The following GRIK2 variants were observed in gnomAD, a reference collection of about 807,000 sequenced individuals.
GRIK2 encodes glutamate receptor ionotropic, kainate 2.
A neutral mutation model predicts 100.3 loss-of-function variants in GRIK2; 32 were observed. The observed-to-expected ratio is 0.32, with a 90% CI of 0.24 to 0.43. GRIK2 has a LOEUF of 0.43. GRIK2 is among the 20% of genes least tolerant of loss of function. The pLI is 1.00. For synonymous variants in GRIK2, 417 were observed against 389.4 expected, an observed-to-expected ratio of 1.07 and a Z score of -0.83; for missense variants, 843 against 1,114.9, an observed-to-expected ratio of 0.76 and a Z score of 3.47.
At chr6:101,961,320 A>G (rs1792284385) in intron 14 of GRIK2, among the ~76,000 whole-genome samples, 1 of 152,134 alleles carries the variant, frequency 6.6e-6, no homozygotes, top group Admixed American at 6.5e-5. Flanking sequence ...TGCAGCGGGA[A>G]TGCTGCTGTT....
intron 2 of GRIK2, among the ~76,000 whole-genome samples, chr6:101,578,648 G>C (rs1338396427): frequency 6.6e-6 from 1 of 152,120 alleles, no homozygotes; most frequent in African/African-American, 2.4e-5. Flanking sequence ...CACTCTACCT[G>C]TAAGTGCCTT....
chr6:101,719,128 G>A (rs1308224318), intron 7 of GRIK2, among the ~76,000 whole-genome samples: 3 of 133,280 alleles, frequency 2.3e-5, no homozygotes, highest in African/African-American at 9.0e-5. Context: ...ATGTGCAACA[G>A]GCTGCAAGGG....
At chr6:101,712,103 A>C (rs1418645121) in intron 7 of GRIK2, among the ~76,000 whole-genome samples, 3 of 151,856 alleles carry the variant, frequency 2.0e-5, no homozygotes, top group African/African-American at 7.2e-5. Context: ...AGAACTTTTA[A>C]TTATAATTTA....
At chr6:101,464,668 C>T (rs1308935174) in intron 2 of GRIK2, among the ~76,000 whole-genome samples, 1 of 151,710 alleles carries the variant, frequency 6.6e-6, no homozygotes, top group East Asian at 1.9e-4. Flanking sequence ...AGGCACTCGC[C>T]ACCATGCCTG....
chr6:101,621,664 A>C (rs1044526313), intron 2 of GRIK2, among the ~76,000 whole-genome samples: 1 of 152,156 alleles, frequency 6.6e-6, no homozygotes, highest in Non-Finnish European at 1.5e-5. Flanking sequence ...AAAGAAAAAA[A>C]GTCCAAATCA....
In GRIK2 at chr6:101,399,334, C is replaced by G; in HGVS notation, c.57C>G (p.Leu19=). The stretch of plus-strand genomic sequence containing the variant: ...CAGTCTTCAGGCGCACCGTTAAACT[C>G]CTGCTCTGTTTACTGTGGATTGGAT... ...SNPVFRRTVK[L]LLCLLWIGYS... Residue 19 remains leucine (L), a synonymous_variant, in exon 2 of 17, where the codon CTC becomes CTG. Coordinates refer to ENST00000369134, the MANE Select transcript of GRIK2 (RefSeq NM_021956.5). 1 of 1,599,172 alleles carries G rather than the reference C, an allele frequency of 6.3e-7. No individual in the cohort carries two copies. The highest frequency in any genetic ancestry group is 8.6e-7 in the Non-Finnish European group (1 of 1,166,474).
At chr6:101,464,041 T>C (rs1771483866) in intron 2 of GRIK2, among the ~76,000 whole-genome samples, 1 of 152,174 alleles carries the variant, frequency 6.6e-6, no homozygotes, top group Admixed American at 6.6e-5. Context: ...ATAAGATACA[T>C]AACCTTTCCT....
intron 2 of GRIK2, among the ~76,000 whole-genome samples, chr6:101,494,348 T>C (rs1773314524): frequency 6.6e-6 from 1 of 151,638 alleles, no homozygotes; most frequent in Non-Finnish European, 1.5e-5. Flanking sequence ...CCAGAGTGAT[T>C]GTAGGTTACA....
intron 11 of GRIK2, among the ~76,000 whole-genome samples, chr6:101,867,659 A>G (rs1785136242): frequency 6.6e-6 from 1 of 151,754 alleles, no homozygotes; most frequent in African/African-American, 2.4e-5. Context: ...TATTTTATTA[A>G]AAAAGGTATG....
chr6:101,729,677 G>A (rs1027210246), intron 7 of GRIK2, among the ~76,000 whole-genome samples: 1 of 150,356 alleles, frequency 6.7e-6, no homozygotes, highest in Non-Finnish European at 1.5e-5. Flanking sequence ...ACTGAAATAA[G>A]ACCGTGGTGT....
intron 7 of GRIK2, among the ~76,000 whole-genome samples, chr6:101,740,295 T>C (rs1351676078): frequency 6.6e-6 from 1 of 152,172 alleles, no homozygotes; most frequent in Non-Finnish European, 1.5e-5. Flanking sequence ...AAAATAGCAT[T>C]GTATTTCCTG....
chr6:101,926,618 G>A (rs1789923380), intron 13 of GRIK2, among the ~76,000 whole-genome samples: 1 of 152,128 alleles, frequency 6.6e-6, no homozygotes, highest in African/African-American at 2.4e-5. Context: ...AGCAATTCAA[G>A]CAATGAAAAA....
chr6:101,805,139 T>C (rs1583184423), intron 9 of GRIK2, among the ~76,000 whole-genome samples: 1 of 151,874 alleles, frequency 6.6e-6, no homozygotes, highest in African/African-American at 2.4e-5. Flanking sequence ...CTAGAAAGTA[T>C]AGTTACCAAC....
intron 7 of GRIK2, among the ~76,000 whole-genome samples, chr6:101,799,079 T>G (rs555614836): frequency 9.9e-5 from 15 of 152,100 alleles, no homozygotes; most frequent in Non-Finnish European, 1.8e-4. Context: ...GATTGAAACT[T>G]TTGAAAATTT....
intron 11 of GRIK2, among the ~76,000 whole-genome samples, chr6:101,864,481 T>C (rs2128445440): frequency 6.6e-6 from 1 of 152,314 alleles, no homozygotes; most frequent in South Asian, 2.1e-4. Context: ...TAACCTGGGT[T>C]GCAACTAAAG....
chr6:101,453,761 A>G (rs1351203943), intron 2 of GRIK2, among the ~76,000 whole-genome samples: 1 of 152,048 alleles, frequency 6.6e-6, no homozygotes, highest in Non-Finnish European at 1.5e-5. Flanking sequence ...ATCAGATTTC[A>G]TGTGCTTTAT....
intron 14 of GRIK2, among the ~76,000 whole-genome samples, chr6:101,964,386 C>A (rs1177147194): frequency 6.6e-6 from 1 of 151,950 alleles, no homozygotes; most frequent in Non-Finnish European, 1.5e-5. Context: ...AGTGGATTTT[C>A]CTTGTGTTTT....
chr6:102,045,389 A>G (rs1770829515), intron 15 of GRIK2, among the ~76,000 whole-genome samples: 1 of 152,036 alleles, frequency 6.6e-6, no homozygotes, highest in African/African-American at 2.4e-5. Flanking sequence ...TTCTCTTTCC[A>G]TCTACATTCC....
chr6:101,875,337 T>A (rs1369977062), intron 11 of GRIK2, among the ~76,000 whole-genome samples: 1 of 151,908 alleles, frequency 6.6e-6, no homozygotes, highest in Non-Finnish European at 1.5e-5. Flanking sequence ...CTTGGGGGTA[T>A]TTCTTTTTAA....
Sources: gnomAD v4.1 joint callset for allele counts (sites outside exome capture counted in the v4.1 genomes callset) on GRCh38, gnomAD v4.1.1 for gene constraint, MANE v1.5 for transcripts, NCBI Gene and HGNC (gene_info 2026-07-23, HGNC 2026-07-21) for gene names.